SLC2A13: variants seen among roughly 807,000 people sequenced by gnomAD.
The protein encoded by SLC2A13 is solute carrier family 2 member 13.
SLC2A13 carries 32 observed loss-of-function variants against 64.4 expected under a neutral mutation model. That is an observed-to-expected ratio of 0.50 (90% confidence interval 0.37 to 0.67). The LOEUF is 0.67. SLC2A13 is among the 30% of genes least tolerant of loss of function. SLC2A13 has a pLI of 0.00. For missense variants in SLC2A13, 743 were observed against 829.2 expected (o/e 0.90, Z 1.28); for synonymous variants, 338 against 327.1 (o/e 1.03, Z -0.36).
At chr12:40,050,037 T>A (rs989456852) in intron 1 of SLC2A13, among the ~76,000 whole-genome samples, 3 of 152,166 alleles carry the variant, frequency 2.0e-5, no homozygotes, top group Admixed American at 6.6e-5. Context: ...AAGTTTCCAT[T>A]TGACTGCTAA....
At chr12:40,021,480 A>C (rs1947717096) in intron 3 of SLC2A13, among the ~76,000 whole-genome samples, 1 of 152,240 alleles carries the variant, frequency 6.6e-6, no homozygotes, top group South Asian at 2.1e-4. Flanking sequence ...TTCAGCTTAC[A>C]GCTTAACATA....
chr12:40,093,476 G>C (rs569368046), intron 1 of SLC2A13, among the ~76,000 whole-genome samples: 1 of 152,200 alleles, frequency 6.6e-6, no homozygotes, highest in Non-Finnish European at 1.5e-5. Context: ...CCTTCATGGA[G>C]ATTACACTCT....
intron 1 of SLC2A13, among the ~76,000 whole-genome samples, chr12:40,066,143 T>G (rs2136260662): frequency 6.6e-6 from 1 of 152,322 alleles, no homozygotes; most frequent in South Asian, 2.1e-4. Context: ...TTTATAAATT[T>G]AACTTTGAGT....
chr12:39,926,730 C>G (rs1398492716), intron 4 of SLC2A13, among the ~76,000 whole-genome samples: 1 of 152,178 alleles, frequency 6.6e-6, no homozygotes, highest in Non-Finnish European at 1.5e-5. Flanking sequence ...ATCCTCCTAC[C>G]TCAGCCTCCT....
At chr12:40,090,549 T>G (rs1219395346) in intron 1 of SLC2A13, among the ~76,000 whole-genome samples, 1 of 152,180 alleles carries the variant, frequency 6.6e-6, no homozygotes, top group East Asian at 1.9e-4. Flanking sequence ...AAAGTTTTAA[T>G]GCTTATTAAT....
chr12:40,105,817 G>GGCCCGGGGCT lies in SLC2A13; in HGVS notation c.-19_-10dup. On this transcript the variant is annotated 5_prime_UTR_variant, in exon 1 of 10. Coordinates refer to ENST00000280871, the MANE Select transcript of SLC2A13 (RefSeq NM_052885.4). The surrounding 1 kb of genome is among the most constrained non-coding windows in gnomAD (Gnocchi z 4.2). ...CTTGCCTTGCGGGACATAGGGCAGG[G>GGCCCGGGGCT]GCCCGGGGCTGCCCGGGGGGACGCG... The GGCCCGGGGCT allele has an allele frequency of 2.1e-6, 3 of 1,441,208 alleles. No individual in the cohort carries two copies. Among genetic ancestry groups the GGCCCGGGGCT allele is most frequent in the Non-Finnish European group, 2.7e-6 (3 of 1,095,310 alleles). The allele number at this position is 1,441,208 out of a possible 1,614,324, so 89.3% of individuals were successfully genotyped here. A position where few individuals can be genotyped will look rare whatever the true frequency, so the allele number is the denominator to read the frequency against.
chr12:39,906,074 CTTGT>C (rs1945269590), intron 4 of SLC2A13, among the ~76,000 whole-genome samples: 1 of 152,080 alleles, frequency 6.6e-6, no homozygotes, highest in Admixed American at 6.6e-5. Context: ...GATAGACAAA[CTTGT>C]TTGTAATAAA....
At chr12:39,773,665 C>T (rs1431689075) in intron 7 of SLC2A13, among the ~76,000 whole-genome samples, 1 of 152,210 alleles carries the variant, frequency 6.6e-6, no homozygotes, top group Non-Finnish European at 1.5e-5. Context: ...CACATGCTGT[C>T]TATATTGCCC....
intron 4 of SLC2A13, among the ~76,000 whole-genome samples, chr12:39,890,082 C>CA (rs1370712435): frequency 6.6e-6 from 1 of 151,974 alleles, no homozygotes; most frequent in Non-Finnish European, 1.5e-5. Flanking sequence ...AGCCAGTCAC[C>CA]AATTTTAAGT....
intron 1 of SLC2A13, among the ~76,000 whole-genome samples, chr12:40,075,844 G>A (rs1938151167): frequency 6.6e-6 from 1 of 151,786 alleles, no homozygotes; most frequent in Non-Finnish European, 1.5e-5. Flanking sequence ...ATATTTATCT[G>A]TCTTAAGTTC....
intron 3 of SLC2A13, among the ~76,000 whole-genome samples, chr12:39,987,957 G>A (rs1947058704): frequency 6.6e-6 from 1 of 152,044 alleles, no homozygotes; most frequent in Non-Finnish European, 1.5e-5. Context: ...ATCCCCCACT[G>A]ACCCTCCAAT....
intron 7 of SLC2A13, among the ~76,000 whole-genome samples, chr12:39,813,700 G>A (rs867624612): frequency 2.0e-5 from 3 of 152,304 alleles, no homozygotes; most frequent in Admixed American, 6.5e-5. Context: ...TTTTATTGGA[G>A]TAGTGGGGGA....
At chr12:40,092,820 T>A (rs1282555274) in intron 1 of SLC2A13, among the ~76,000 whole-genome samples, 1 of 152,208 alleles carries the variant, frequency 6.6e-6, no homozygotes, top group Admixed American at 6.5e-5. Context: ...ATCAAGCCTC[T>A]TTACAGTCTG....
chr12:39,926,657 T>A (rs1303306307), intron 4 of SLC2A13, among the ~76,000 whole-genome samples: 1 of 152,154 alleles, frequency 6.6e-6, no homozygotes, highest in Non-Finnish European at 1.5e-5. Context: ...AGTCTGTCAC[T>A]CAGGCTGAAG....
At chr12:39,879,197 G>A (rs1944275828) in intron 4 of SLC2A13, among the ~76,000 whole-genome samples, 1 of 152,260 alleles carries the variant, frequency 6.6e-6, no homozygotes, top group Admixed American at 6.5e-5. Flanking sequence ...CCTGGCAGAA[G>A]CCTGCTGCAG....
chr12:39,798,673 T>C (rs1390587342), intron 7 of SLC2A13, among the ~76,000 whole-genome samples: 2 of 152,206 alleles, frequency 1.3e-5, no homozygotes, highest in Non-Finnish European at 2.9e-5. Context: ...GGGCTAGTGC[T>C]GAAAGACTCG....
At chr12:39,955,623 T>C (rs1946302112) in intron 3 of SLC2A13, among the ~76,000 whole-genome samples, 1 of 152,150 alleles carries the variant, frequency 6.6e-6, no homozygotes, top group Non-Finnish European at 1.5e-5. Context: ...ACCTGTATTA[T>C]CTTAGATGTC....
chr12:39,784,168 C>T (rs1941100585), intron 7 of SLC2A13, among the ~76,000 whole-genome samples: 2 of 152,120 alleles, frequency 1.3e-5, no homozygotes, highest in African/African-American at 4.8e-5. Flanking sequence ...TTTATAGATT[C>T]AATGCCATCC....
chr12:39,817,076 C>G (rs1250831645), intron 7 of SLC2A13, among the ~76,000 whole-genome samples: 2 of 152,102 alleles, frequency 1.3e-5, no homozygotes, highest in Non-Finnish European at 2.9e-5. Context: ...CTGTATCCTT[C>G]TCTTTTCATA....
Sources: allele counts gnomAD v4.1 joint callset (sites outside exome capture counted in the v4.1 genomes callset), GRCh38; gene constraint gnomAD v4.1.1; non-coding constraint Gnocchi (gnomAD v3.1); transcripts MANE v1.5; gene names NCBI Gene and HGNC (gene_info 2026-07-23, HGNC 2026-07-21).